Variants in PALM observed in about 807,000 individuals in gnomAD.
The protein encoded by PALM is paralemmin-1.
PALM carries 18 observed loss-of-function variants against 30.7 expected under a neutral mutation model. The ratio of observed to expected loss-of-function variants is 0.59; its 90% CI spans 0.41 to 0.87. The LOEUF (loss-of-function observed/expected upper bound fraction) is 0.87. PALM is among the 40% of genes least tolerant of loss of function. The pLI, the probability that PALM is intolerant of heterozygous loss-of-function variation, is 0.00. For missense variants in PALM, 529 were observed against 555.4 expected, an observed-to-expected ratio of 0.95 and a Z score of 0.48; for synonymous variants, 286 against 242.8, an observed-to-expected ratio of 1.18 and a Z score of -1.66.
chr19:722,015 T>A (rs1477000502), intron 1 of PALM, among the ~76,000 whole-genome samples: 2 of 152,134 alleles, frequency 1.3e-5, no homozygotes, highest in Non-Finnish European at 2.9e-5. Context: ...GCCTTCCGGG[T>A]TCACGCCATT....
At chr19:715,333 T>C (rs1383326301) in intron 1 of PALM, among the ~76,000 whole-genome samples, 1 of 152,154 alleles carries the variant, frequency 6.6e-6, no homozygotes, top group Non-Finnish European at 1.5e-5. Flanking sequence ...TCTCATCCTT[T>C]CTTGATCTAG....
Position 746,459 on chromosome 19 carries a change from G to A in PALM, c.809G>A (p.Arg270Gln), listed in dbSNP as rs375364413. 3.9e-5 allele frequency: 62 copies of A among 1,609,368 alleles called. 1 individual carries two copies. Among genetic ancestry groups the A allele is most frequent in the Middle Eastern group, 3.3e-4 (2 of 6,004 alleles). ...VEGAARTTPSRREITGVQAQP... is the reference protein window; with the variant it reads ...VEGAARTTPSQREITGVQAQP... ...GGGGCAGCCCGGACCACGCCCTCCC[G>A]GCGGGAGATCACCGGTGTGCAGGCA... The change falls in exon 9 of 9, where the codon CGG becomes CAG. Residue 270 changes from arginine to glutamine, a missense_variant. Coordinates refer to ENST00000338448, the MANE Select transcript of PALM (RefSeq NM_002579.3). This position sits in a 1 kb window ranked among gnomAD's most constrained non-coding sequence, Gnocchi z 7.1.
rs1019444746 is a variant in PALM, at chr19:732,294, G to A, written c.420+1049G>A. ...TCCCCGTGTGATGGAAGTAAAAATC[G>A]CAGCCCACAGAGGCAGAGAGGCTGG... On this transcript the variant is annotated intron_variant, in intron 5 of 8. Coordinates refer to ENST00000338448, the MANE Select transcript of PALM (RefSeq NM_002579.3). Among the ~76,000 whole-genome samples, 9 of 152,274 alleles carry A rather than the reference G, an allele frequency of 5.9e-5. No homozygotes were observed. The South Asian group carries it at 1.5e-3, about 25-fold the overall frequency.
intron 3 of PALM, among the ~76,000 whole-genome samples, 180 bp from the exon 4 acceptor site, chr19:727,360 TGACCCTGACCTTGACTCTGACCCA>T (rs1030139036): frequency 6.8e-6 from 1 of 147,914 alleles, no homozygotes; most frequent in Non-Finnish European, 1.5e-5. Context: ...ACCTCAATCC[TGACCCTGACCTTGACTCTGACCCA>T]GACCCTGACC....
intron 8 of PALM, among the ~76,000 whole-genome samples, chr19:745,484 A>T (rs2033311655): frequency 6.6e-6 from 1 of 151,750 alleles, no homozygotes; most frequent in Admixed American, 6.6e-5. Flanking sequence ...ACTTGAGGTC[A>T]GGAGTTTGAG....
chr19:742,273 GTC>G lies in PALM; in HGVS notation c.634+1796_634+1797del, dbSNP rs1379788128. Among the ~76,000 whole-genome samples, 28 of 152,018 alleles carry G rather than the reference GTC, an allele frequency of 1.8e-4. No homozygotes were observed. Among genetic ancestry groups the G allele is most frequent in the African/African-American group, 1.2e-4 (5 of 41,380 alleles). ...CTCTGGCACCCACGCATCCCCTCCT[GTC>G]TCTCTGGATTGGCCTGTCCTGGACA... On this transcript the variant is annotated intron_variant, in intron 8 of 8. Transcript: ENST00000338448. The surrounding 1 kb of genome is among the most constrained non-coding windows in gnomAD (Gnocchi z 5.5).
At chr19:736,296 G>A (rs117729681) in intron 7 of PALM, among the ~76,000 whole-genome samples, 5,644 of 152,242 alleles carry the variant, frequency 0.037, 151 homozygotes, top group East Asian at 0.068. Context: ...GCCGGCCCAC[G>A]CTTCCCCGAG....
At chr19:741,302 C>A (rs2033180033) in intron 8 of PALM, among the ~76,000 whole-genome samples, 8 of 152,172 alleles carry the variant, frequency 5.3e-5, no homozygotes, top group Admixed American at 5.2e-4. Flanking sequence ...TGCATGGGAA[C>A]CACACCTGGC....
chr19:734,145 C>G, intron 5 of PALM, 28 bp from the exon 6 acceptor site: 1 of 1,613,618 alleles, frequency 6.2e-7, no homozygotes, highest in Middle Eastern at 1.6e-4. Flanking sequence ...TGCTGACGCC[C>G]CTGACCCTTC....
intron 7 of PALM, 52 bp downstream of exon 7, chr19:736,130 A>G (rs1421060628): frequency 7.3e-7 from 1 of 1,360,586 alleles, no homozygotes; most frequent in Non-Finnish European, 1.0e-6. Flanking sequence ...GTCAGGGACC[A>G]AGTCTCGGTC....
Position 746,541 on chromosome 19 carries a change from G to A in PALM, c.891G>A (p.Pro297=), listed in dbSNP as rs140781313. 23,597 of 1,613,124 alleles carry A rather than the reference G, an allele frequency of 0.015. 300 individuals carry two copies. The highest frequency in any genetic ancestry group is 0.047 in the South Asian group (4,238 of 91,068). ...PPGIQPGQEP[P]VTMIFMGYQN... ...GGATCCAGCCCGGCCAGGAGCCCCC[G>A]GTCACAATGATCTTCATGGGTTACC... The change falls in exon 9 of 9, where the codon CCG becomes CCA. Residue 297 remains proline (P), a synonymous_variant. Transcript: ENST00000338448. This position sits in a 1 kb window ranked among gnomAD's most constrained non-coding sequence, Gnocchi z 7.1.
intron 1 of PALM, among the ~76,000 whole-genome samples, chr19:724,197 G>C (rs1290314280): frequency 1.3e-5 from 2 of 152,134 alleles, no homozygotes; most frequent in Non-Finnish European, 2.9e-5. Context: ...GGTGCCTGGT[G>C]GGGGTGGCGA....
intron 1 of PALM, among the ~76,000 whole-genome samples, chr19:718,617 C>T (rs11881732): frequency 0.3 from 45,861 of 151,874 alleles, 7,140 homozygotes; most frequent in Non-Finnish European, 0.34. Flanking sequence ...CCGTCTTCTC[C>T]TCTCCCCCGG....
intron 2 of PALM, 44 bp from the exon 3 acceptor site, chr19:726,964 G>GT: frequency 8.6e-7 from 1 of 1,162,386 alleles, no homozygotes; most frequent in Non-Finnish European, 1.2e-6. Flanking sequence ...GGGGTCTCCG[G>GT]GACCCCCACG....
At chr19:710,627 A>G (rs2032043360) in intron 1 of PALM, among the ~76,000 whole-genome samples, 1 of 150,500 alleles carries the variant, frequency 6.6e-6, no homozygotes, top group Non-Finnish European at 1.5e-5. Context: ...CACGGGGGAT[A>G]CTGAGGCCCA....
In PALM at chr19:731,096, TTGGA is replaced by T; in HGVS notation, c.272_275del (p.Leu91Ter). ...CTCACAGGCACACCCTCTCCCCAGG[TTGGA>T]GAAGGAAATTGAGGTGCTGGAGCGT... is the stretch of plus-strand genomic sequence containing the variant. On this transcript the variant is annotated frameshift_variant and splice_region_variant, in exon 5 of 9. Coordinates refer to ENST00000338448, the MANE Select transcript of PALM (RefSeq NM_002579.3). LOFTEE classifies it high-confidence loss of function. 6.3e-7 allele frequency: 1 copy of T among 1,580,606 alleles called. No homozygotes were observed. The highest frequency in any genetic ancestry group is 8.6e-7 in the Non-Finnish European group (1 of 1,162,832).
chr19:724,803 T>C (rs1183454064), intron 1 of PALM, among the ~76,000 whole-genome samples: 1 of 151,754 alleles, frequency 6.6e-6, no homozygotes, highest in East Asian at 1.9e-4. Flanking sequence ...TTTTTATTTT[T>C]GGTAGAGATG....
rs371266201 is a variant in PALM, at chr19:734,169, G to A, written c.421-4G>A. 1.3e-5 allele frequency: 21 copies of A among 1,613,740 alleles called. No homozygotes were observed. Among genetic ancestry groups the A allele is most frequent in the East Asian group, 2.2e-5 (1 of 44,872 alleles). On this transcript the variant is annotated splice_region_variant and splice_polypyrimidine_tract_variant and intron_variant, in intron 5 of 8. Transcript: ENST00000338448. Reference sequence around the variant, plus strand: ...CCCTGACCCTTCTCTCTTCTTTCTTGCAGACGCCGGTGGGCACGCCCAAAG... The same window carrying A: ...CCCTGACCCTTCTCTCTTCTTTCTTACAGACGCCGGTGGGCACGCCCAAAG...
At chr19:720,718 A>T (rs996968892) in intron 1 of PALM, among the ~76,000 whole-genome samples, 1 of 151,958 alleles carries the variant, frequency 6.6e-6, no homozygotes, top group African/African-American at 2.4e-5. Context: ...CGCCCGCCTG[A>T]CATTCCCCCG....
Sources: allele counts gnomAD v4.1 joint callset (sites outside exome capture counted in the v4.1 genomes callset), GRCh38; gene constraint gnomAD v4.1.1; non-coding constraint Gnocchi (gnomAD v3.1); transcripts MANE v1.5; gene names NCBI Gene and HGNC (gene_info 2026-07-23, HGNC 2026-07-21).